CC2D1A: variants seen among roughly 807,000 people sequenced by gnomAD.
CC2D1A encodes the protein coiled-coil and C2 domain containing 1A.
Under a neutral mutation model 123.8 loss-of-function variants are expected in CC2D1A, and 68 were observed. The ratio of observed to expected loss-of-function variants is 0.55; its 90% CI spans 0.45 to 0.67. The LOEUF is 0.67. CC2D1A is among the 30% of genes least tolerant of loss of function. The pLI is 0.00. For missense variants in CC2D1A, 1,185 were observed against 1,290.3 expected, an observed-to-expected ratio of 0.92 and a Z score of 1.25; for synonymous variants, 477 against 528.0, an observed-to-expected ratio of 0.90 and a Z score of 1.32.
chr19:13,928,918 A>G (rs1295517306), intron 24 of CC2D1A, among the ~76,000 whole-genome samples: 2 of 151,676 alleles, frequency 1.3e-5, no homozygotes, highest in East Asian at 3.9e-4. Flanking sequence ...CATGTTGGTC[A>G]GGCTGGTCTC....
chr19:13,925,933 A>AAAAATAT (rs1315518981), intron 17 of CC2D1A, among the ~76,000 whole-genome samples: 34 of 91,044 alleles, frequency 3.7e-4, no homozygotes, highest in African/African-American at 2.1e-3. Flanking sequence ...AAAAAAAAAA[A>AAAAATAT]ATATATATAT....
chr19:13,919,073 G>A (rs202234854), intron 10 of CC2D1A, 31 bp downstream of exon 10: 39 of 1,602,402 alleles, frequency 2.4e-5, no homozygotes, highest in Middle Eastern at 3.3e-4. Context: ...GAGGTGGGGC[G>A]AGTGGGCAGC....
chr19:13,923,427 T>TCCATACGG lies in CC2D1A; in HGVS notation c.1737_1738insCATACGGC (p.Thr580HisfsTer15), dbSNP rs1228619582. ...GAGGCCGCCCGGCGCTATGGTGAAC[T>TCCATACGG]CACCAAGCTCATACGGCAGCAGCAC... is the stretch of plus-strand genomic sequence containing the variant. On this transcript the variant is annotated frameshift_variant, in exon 15 of 29. Coordinates refer to ENST00000318003, the MANE Select transcript of CC2D1A (RefSeq NM_017721.5). LOFTEE classifies it high-confidence loss of function. This position sits in a 1 kb window ranked among gnomAD's most constrained non-coding sequence, Gnocchi z 5.3. The TCCATACGG allele has an allele frequency of 6.2e-7, 1 of 1,613,888 alleles. No homozygotes were observed. The highest frequency in any genetic ancestry group is 8.5e-7 in the Non-Finnish European group (1 of 1,180,000).
Position 13,918,776 on chromosome 19 carries a change from C to T in CC2D1A, c.977C>T (p.Pro326Leu). 5 of 1,613,362 alleles carry T rather than the reference C, an allele frequency of 3.1e-6. No individual in the cohort carries two copies. The highest frequency in any genetic ancestry group is 1.3e-5 in the African/African-American group (1 of 75,024). ...CTGCCCCCAGACCCACCGTCACCAC[C>T]GTCGCAGCCTCCGACCCCCGCTACG... ...DQLPPDPPSP[P>L]SQPPTPATAP... Residue 326 changes from proline (P) to leucine (L), a missense_variant, in exon 9 of 29, where the codon CCG becomes CTG. Pro to Leu is a moderately conservative substitution (Grantham distance 98). Transcript: ENST00000318003.
chr19:13,928,483 G>A (rs1159420171), intron 24 of CC2D1A, among the ~76,000 whole-genome samples: 1 of 151,768 alleles, frequency 6.6e-6, no homozygotes, highest in Non-Finnish European at 1.5e-5. Context: ...CCAGTGCCCT[G>A]AACACCCCTA....
intron 26 of CC2D1A, among the ~76,000 whole-genome samples, 182 bp from the exon 27 acceptor site, chr19:13,929,896 G>A (rs1317699600): frequency 1.0e-5 from 1 of 100,496 alleles, no homozygotes; most frequent in African/African-American, 4.0e-5. Flanking sequence ...GGCACCTGGA[G>A]GGGGAGGGGC....
Position 13,918,913 on chromosome 19 carries a change from G to A in CC2D1A, c.1020G>A (p.Glu340=), listed in dbSNP as rs1317977519. 5 of 1,609,466 alleles carry A rather than the reference G, an allele frequency of 3.1e-6. No individual in the cohort carries two copies. The highest frequency in any genetic ancestry group is 2.2e-5 in the South Asian group (2 of 90,690). ...ACCTTGTCCCCCTGTCCGGCCCAGA[G>A]GTGCCCCCACCCCCGAGGACCCTGC... The part of the protein sequence containing the change: ...PTPATAPSTT[E]VPPPPRTLLE... The change falls in exon 10 of 29, where the codon GAG becomes GAA. Residue 340 remains glutamate (E), a splice_region_variant and synonymous_variant. Transcript: ENST00000318003.
At chr19:13,927,756 T>C in intron 22 of CC2D1A, 137 bp from the exon 23 acceptor site, 1 of 919,528 alleles carries the variant, frequency 1.1e-6, no homozygotes, top group Admixed American at 2.3e-5. Flanking sequence ...CACTCCAGCC[T>C]GGACAACAGA....
intron 14 of CC2D1A, among the ~76,000 whole-genome samples, chr19:13,922,465 G>A (rs1971442291): frequency 6.6e-6 from 1 of 152,164 alleles, no homozygotes; most frequent in Non-Finnish European, 1.5e-5. Flanking sequence ...CCCATCATTA[G>A]GTCTCTGCTC....
At chr19:13,919,274 C>T in intron 11 of CC2D1A, 72 bp downstream of exon 11, 1 of 1,232,678 alleles carries the variant, frequency 8.1e-7, no homozygotes, top group Non-Finnish European at 1.1e-6. Flanking sequence ...GAGGCCCCGC[C>T]GCTGGCAGGC....
At chr19:13,925,976 GTA>G (rs1288851799) in intron 17 of CC2D1A, among the ~76,000 whole-genome samples, 2 of 79,724 alleles carry the variant, frequency 2.5e-5, no homozygotes, top group Non-Finnish European at 4.4e-5. Context: ...ATATATATGT[GTA>G]TATATATATA....
intron 2 of CC2D1A, among the ~76,000 whole-genome samples, chr19:13,911,573 C>A (rs1970999722): frequency 6.7e-6 from 1 of 149,028 alleles, no homozygotes; most frequent in Admixed American, 6.7e-5. Flanking sequence ...GGAGACAAAC[C>A]CTTGCTCTGT....
chr19:13,923,379 G>A lies in CC2D1A; in HGVS notation c.1688G>A (p.Arg563Gln), dbSNP rs748191112. Reference sequence around the variant, plus strand: ...AAGGACGACTTTGCCCTGGTCCAGCGGCCTGGCCCGGGTCTGTCTCAGGAG... The same window carrying A: ...AAGGACGACTTTGCCCTGGTCCAGCAGCCTGGCCCGGGTCTGTCTCAGGAG... The part of the protein sequence containing the change: ...VNKDDFALVQ[R>Q]PGPGLSQEAA... The change falls in exon 15 of 29, where the codon CGG (arginine) becomes CAG (glutamine). Residue 563 changes from arginine (R) to glutamine (Q), a missense_variant. Coordinates refer to ENST00000318003, the MANE Select transcript of CC2D1A (RefSeq NM_017721.5). The surrounding 1 kb of genome is among the most constrained non-coding windows in gnomAD (Gnocchi z 5.3). 49 of 1,612,214 alleles carry A rather than the reference G, an allele frequency of 3.0e-5. No homozygotes were observed. Among genetic ancestry groups the A allele is most frequent in the Admixed American group, 2.2e-4 (13 of 59,986 alleles).
At chr19:13,914,015 G>T (rs1320685071) in intron 6 of CC2D1A, among the ~76,000 whole-genome samples, 1 of 151,992 alleles carries the variant, frequency 6.6e-6, no homozygotes, top group African/African-American at 2.4e-5. Context: ...CCAAGTAGCT[G>T]GGATTACAGG....
Position 13,930,393 on chromosome 19 carries a change from TGA to T in CC2D1A, c.2856_*1del. On this transcript the variant is annotated frameshift_variant and stop_lost, in exon 29 of 29. Coordinates refer to ENST00000318003, the MANE Select transcript of CC2D1A (RefSeq NM_017721.5). LOFTEE classifies it high-confidence loss of function. This position sits in a 1 kb window ranked among gnomAD's most constrained non-coding sequence, Gnocchi z 6.8. The part of the protein sequence containing the change: ...VESELQRLRR[*>X] ...CCCCCAGCTGCAGCGGCTCCGCAGG[TGA>T]GGAGCCCATGGGGCGGGCAGCCCCC... is the stretch of plus-strand genomic sequence containing the variant. The T allele has an allele frequency of 6.2e-7, 1 of 1,610,536 alleles. No individual in the cohort carries two copies. Among genetic ancestry groups the T allele is most frequent in the Non-Finnish European group, 8.5e-7 (1 of 1,178,006 alleles).
At chr19:13,910,288 G>A (rs1404293254) in intron 2 of CC2D1A, among the ~76,000 whole-genome samples, 1 of 150,242 alleles carries the variant, frequency 6.7e-6, no homozygotes, top group African/African-American at 2.4e-5. Flanking sequence ...GGCGCCTGTA[G>A]TCCCAGCTAC....
chr19:13,913,794 C>G (rs1971106136), intron 6 of CC2D1A, among the ~76,000 whole-genome samples, 156 bp downstream of exon 6: 1 of 152,162 alleles, frequency 6.6e-6, no homozygotes, highest in Non-Finnish European at 1.5e-5. Context: ...GAATACCTCC[C>G]AAGCAGGACA....
intron 2 of CC2D1A, among the ~76,000 whole-genome samples, 159 bp downstream of exon 2, chr19:13,910,117 G>A (rs1599378128): frequency 1.3e-5 from 2 of 152,082 alleles, no homozygotes; most frequent in Non-Finnish European, 2.9e-5. Context: ...TCGACTCTGA[G>A]GCCGGGCACG....
chr19:13,923,048 C>T lies in CC2D1A; in HGVS notation c.1642-285C>T, dbSNP rs986692729. Among the ~76,000 whole-genome samples the T allele has an allele frequency of 6.6e-6, 1 of 152,098 alleles. No homozygotes were observed. The highest frequency in any genetic ancestry group is 2.4e-5 in the African/African-American group (1 of 41,414). On this transcript the variant is annotated intron_variant, in intron 14 of 28. Coordinates refer to ENST00000318003, the MANE Select transcript of CC2D1A (RefSeq NM_017721.5). This position sits in a 1 kb window ranked among gnomAD's most constrained non-coding sequence, Gnocchi z 5.3. The stretch of plus-strand genomic sequence containing the variant: ...TCTCTACTAAAAATACAAAAATTAG[C>T]CAGGTGTGGTGGCAGGCGCCTGTAA...
Sources: allele counts gnomAD v4.1 joint callset (sites outside exome capture counted in the v4.1 genomes callset), GRCh38; gene constraint gnomAD v4.1.1; non-coding constraint Gnocchi (gnomAD v3.1); transcripts MANE v1.5; gene names NCBI Gene and HGNC (gene_info 2026-07-23, HGNC 2026-07-21).